The following ACSS3 variants were observed in gnomAD, a reference collection of about 807,000 sequenced individuals.
ACSS3 encodes acyl-CoA synthetase short-chain family member 3, mitochondrial.
ACSS3 carries 64 observed loss-of-function variants against 84.2 expected under a neutral mutation model. The ratio of observed to expected loss-of-function variants is 0.76; its 90% CI spans 0.62 to 0.94. The LOEUF (loss-of-function observed/expected upper bound fraction) is 0.94. Ranked by LOEUF, ACSS3 falls within the 40% of genes least tolerant of loss-of-function variation. The probability of loss-of-function intolerance (pLI) is 0.00; values close to 1 mark genes in which losing one functional copy is unlikely to be tolerated. For synonymous variants in ACSS3, 317 were observed against 310.1 expected, an observed-to-expected ratio of 1.02 and a Z score of -0.23; for missense variants, 815 against 867.6, an observed-to-expected ratio of 0.94 and a Z score of 0.76.
intron 9 of ACSS3, among the ~76,000 whole-genome samples, chr12:81,202,719 T>C (rs2032164950): frequency 6.6e-6 from 1 of 152,230 alleles, no homozygotes; most frequent in Non-Finnish European, 1.5e-5. Flanking sequence ...ATTACACTGA[T>C]ACATGTGTAC....
At chr12:81,147,127 C>T (rs888621388) in intron 5 of ACSS3, among the ~76,000 whole-genome samples, 1 of 151,904 alleles carries the variant, frequency 6.6e-6, no homozygotes, top group Admixed American at 6.6e-5. Flanking sequence ...TTGTTCAGAT[C>T]GACAAAAAAA....
intron 5 of ACSS3, among the ~76,000 whole-genome samples, chr12:81,147,976 T>A (rs1248852585): frequency 6.6e-6 from 1 of 151,676 alleles, no homozygotes; most frequent in Admixed American, 6.6e-5. Context: ...TATGTTTACA[T>A]GTGTGTATGT....
chr12:81,103,415 CT>C (rs1032010281), intron 1 of ACSS3, among the ~76,000 whole-genome samples: 1 of 152,120 alleles, frequency 6.6e-6, no homozygotes, highest in African/African-American at 2.4e-5. Context: ...TTCAATTGAC[CT>C]TTACTGGAAT....
At chr12:81,132,662 C>T (rs764421564) in intron 2 of ACSS3, among the ~76,000 whole-genome samples, 3 of 151,682 alleles carry the variant, frequency 2.0e-5, no homozygotes, top group African/African-American at 7.3e-5. Flanking sequence ...ATTTTTTAAT[C>T]TCATTTCTTT....
At chr12:81,126,802 G>A (rs1885127245) in intron 2 of ACSS3, among the ~76,000 whole-genome samples, 1 of 152,036 alleles carries the variant, frequency 6.6e-6, no homozygotes, top group African/African-American at 2.4e-5. Flanking sequence ...ACTAAATATT[G>A]ATTGAAACCC....
chr12:81,228,254 AG>A (rs997867765), intron 11 of ACSS3, among the ~76,000 whole-genome samples: 7 of 151,810 alleles, frequency 4.6e-5, no homozygotes, highest in Non-Finnish European at 8.8e-5. Flanking sequence ...GTTAAATTTC[AG>A]GGGGTTCAAA....
chr12:81,237,575 C>A (rs1441736029), intron 13 of ACSS3, among the ~76,000 whole-genome samples: 2 of 151,498 alleles, frequency 1.3e-5, no homozygotes, highest in Admixed American at 1.3e-4. Context: ...AATATTACAT[C>A]ATGAGGTTCT....
At chr12:81,204,310 TTCC>T (rs2032246521) in intron 9 of ACSS3, among the ~76,000 whole-genome samples, 1 of 151,352 alleles carries the variant, frequency 6.6e-6, no homozygotes, top group Non-Finnish European at 1.5e-5. Flanking sequence ...CTCTTCTTCC[TTCC>T]TCCTCTTCTT....
At chr12:81,192,689 A>G (rs2031633735) in intron 8 of ACSS3, among the ~76,000 whole-genome samples, 1 of 152,140 alleles carries the variant, frequency 6.6e-6, no homozygotes, top group African/African-American at 2.4e-5. Flanking sequence ...TTCCTTTCCC[A>G]AGAAATTATT....
chr12:81,210,203 G>A (rs2032535669), intron 9 of ACSS3, among the ~76,000 whole-genome samples: 3 of 152,104 alleles, frequency 2.0e-5, no homozygotes, highest in Admixed American at 6.6e-5. Flanking sequence ...CCTTTTATAA[G>A]AGAAACCTAA....
At chr12:81,107,503 AATATATACATAT>A (rs1408890282) in intron 1 of ACSS3, among the ~76,000 whole-genome samples, 1,403 of 59,510 alleles carry the variant, frequency 0.024, 189 homozygotes, top group Middle Eastern at 0.05. Flanking sequence ...TTCAGGTACA[AATATATACATAT>A]ATATATATAT....
At chr12:81,103,276 T>C (rs1882682113) in intron 1 of ACSS3, among the ~76,000 whole-genome samples, 1 of 152,152 alleles carries the variant, frequency 6.6e-6, no homozygotes, top group Non-Finnish European at 1.5e-5. Flanking sequence ...GAATAGGAAA[T>C]ACTCTAAAGT....
intron 2 of ACSS3, among the ~76,000 whole-genome samples, chr12:81,127,796 C>T (rs1016008948): frequency 1.3e-5 from 2 of 151,940 alleles, no homozygotes; most frequent in Non-Finnish European, 2.9e-5. Context: ...TATCTTTTTT[C>T]GTACAAGCAT....
At chr12:81,227,488 C>T (rs2033310324) in intron 11 of ACSS3, among the ~76,000 whole-genome samples, 1 of 151,534 alleles carries the variant, frequency 6.6e-6, no homozygotes, top group South Asian at 2.1e-4. Context: ...ATTTTGAAGC[C>T]CTTATTGCTA....
At chr12:81,142,496 G>A (rs2135730983) in intron 4 of ACSS3, among the ~76,000 whole-genome samples, 1 of 152,254 alleles carries the variant, frequency 6.6e-6, no homozygotes, top group Non-Finnish European at 1.5e-5. Flanking sequence ...ACTAGAAGGA[G>A]GAAAACTTGG....
In ACSS3 at chr12:81,082,573, G is replaced by T. The variant is rs193022559; in HGVS notation, c.311+4142G>T. 5.3e-4 allele frequency among the ~76,000 whole-genome samples: 80 copies of T among 152,284 alleles called. 1 individual carries two copies. The highest frequency in any genetic ancestry group is 7.6e-4 in the Non-Finnish European group (52 of 68,030). ...AGTAAGTTCCAGAAACTTAAAGAAG[G>T]TTTACTCGGTTGGGACTTAAGAAAT... is the stretch of plus-strand genomic sequence containing the variant. On this transcript the variant is annotated intron_variant, in intron 1 of 15. Transcript: ENST00000548058.
intron 13 of ACSS3, among the ~76,000 whole-genome samples, chr12:81,250,357 A>G (rs2034112173): frequency 6.6e-6 from 1 of 152,146 alleles, no homozygotes; most frequent in Non-Finnish European, 1.5e-5. Flanking sequence ...GATATGACAC[A>G]TAATTCTTGA....
At chr12:81,204,575 T>C (rs2032264651) in intron 9 of ACSS3, among the ~76,000 whole-genome samples, 1 of 152,200 alleles carries the variant, frequency 6.6e-6, no homozygotes, top group Non-Finnish European at 1.5e-5. Flanking sequence ...TTTCTCTTGC[T>C]ATCACTCAGT....
chr12:81,251,622 A>T (rs948950806), intron 13 of ACSS3, among the ~76,000 whole-genome samples: 1 of 147,226 alleles, frequency 6.8e-6, no homozygotes, highest in South Asian at 2.2e-4. Context: ...GCTTGAGCCC[A>T]GGAGTTTGAG....
Sources: gnomAD v4.1 joint callset for allele counts (sites outside exome capture counted in the v4.1 genomes callset) on GRCh38, gnomAD v4.1.1 for gene constraint, MANE v1.5 for transcripts, NCBI Gene and HGNC (gene_info 2026-07-23, HGNC 2026-07-21) for gene names.